The following CFDP1 variants were observed in gnomAD, a reference collection of about 807,000 sequenced individuals.
The protein encoded by CFDP1 is chromatin remodeling protein CFDP1, also known as heterochromatin-stabilizing protein CFDP1.
Under a neutral mutation model 40.1 loss-of-function variants are expected in CFDP1, and 31 were observed. That is an observed-to-expected ratio of 0.77 (90% CI 0.58 to 1.04). CFDP1 has a LOEUF of 1.04. Among genes scored for constraint, CFDP1 ranks in the 50% least tolerant of loss-of-function variants. CFDP1 has a pLI of 0.00. For missense variants in CFDP1, 423 were observed against 343.4 expected, an observed-to-expected ratio of 1.23 and a Z score of -1.83; for synonymous variants, 167 against 120.0, an observed-to-expected ratio of 1.39 and a Z score of -2.56.
chr16:75,311,284 CAT>C (rs2078291317), intron 5 of CFDP1, among the ~76,000 whole-genome samples: 1 of 152,178 alleles, frequency 6.6e-6, no homozygotes, highest in Non-Finnish European at 1.5e-5. Flanking sequence ...GGACTATAGA[CAT>C]ATGTCACCAA....
chr16:75,418,732 TAAAAAA>T (rs35716697), intron 1 of CFDP1, among the ~76,000 whole-genome samples: 1 of 130,624 alleles, frequency 7.7e-6, no homozygotes. Flanking sequence ...AAAGGCTCCC[TAAAAAA>T]AAAAAAAAAA....
intron 5 of CFDP1, among the ~76,000 whole-genome samples, chr16:75,363,192 T>A (rs563144176): frequency 6.7e-6 from 1 of 149,394 alleles, no homozygotes; most frequent in Admixed American, 6.7e-5. Flanking sequence ...TGTTTTTCTA[T>A]AGAAAAATGT....
chr16:75,426,670 T>A (rs1263709012), intron 1 of CFDP1, among the ~76,000 whole-genome samples: 1 of 152,066 alleles, frequency 6.6e-6, no homozygotes, highest in Non-Finnish European at 1.5e-5. Flanking sequence ...AGCAAGACTC[T>A]GTTTCAAAAA....
chr16:75,388,639 A>G (rs9989420), intron 5 of CFDP1, among the ~76,000 whole-genome samples: 4,763 of 152,310 alleles, frequency 0.031, 225 homozygotes, highest in African/African-American at 0.11. Flanking sequence ...TCAACTTTCT[A>G]GAGTTTTAAA....
chr16:75,300,185 A>G (rs1023713643), intron 6 of CFDP1, among the ~76,000 whole-genome samples: 1 of 152,198 alleles, frequency 6.6e-6, no homozygotes, highest in Non-Finnish European at 1.5e-5. Context: ...GGGTGGTGGT[A>G]GTGGGGCTGC....
intron 5 of CFDP1, among the ~76,000 whole-genome samples, chr16:75,314,246 A>G (rs2078311657): frequency 6.6e-6 from 1 of 152,180 alleles, no homozygotes; most frequent in Non-Finnish European, 1.5e-5. Context: ...ACTACCTTCA[A>G]TGGCAGTAAG....
intron 5 of CFDP1, among the ~76,000 whole-genome samples, chr16:75,317,280 C>T (rs555885544): frequency 1.3e-5 from 2 of 152,360 alleles, no homozygotes; most frequent in East Asian, 1.9e-4. Flanking sequence ...TTTCCCTTCC[C>T]CTTTGTCCAC....
chr16:75,419,573 T>C (rs1022713662), intron 1 of CFDP1, among the ~76,000 whole-genome samples: 1 of 152,188 alleles, frequency 6.6e-6, no homozygotes, highest in Admixed American at 6.5e-5. Flanking sequence ...GAATAGCGAC[T>C]GGGTAAAACA....
At chr16:75,341,520 A>G (rs930856169) in intron 5 of CFDP1, among the ~76,000 whole-genome samples, 6 of 152,212 alleles carry the variant, frequency 3.9e-5, no homozygotes, top group Non-Finnish European at 8.8e-5. Flanking sequence ...GATTGGCTAG[A>G]TTAGCAGAGA....
chr16:75,323,011 T>C (rs940306611), intron 5 of CFDP1, among the ~76,000 whole-genome samples: 3 of 152,140 alleles, frequency 2.0e-5, no homozygotes, highest in Admixed American at 2.0e-4. Flanking sequence ...TAGGCTACAA[T>C]ACATTTATTT....
chr16:75,412,006 TACAG>T (rs2079167377), intron 3 of CFDP1, 54 bp from the exon 4 acceptor site: 1 of 1,537,948 alleles, frequency 6.5e-7, no homozygotes, highest in South Asian at 1.2e-5. Context: ...CCATATTGTT[TACAG>T]ATACTTTTTA....
In CFDP1 at chr16:75,305,036, C is replaced by T. The variant is rs762736889; in HGVS notation, c.797G>A (p.Arg266Gln). The change falls in exon 6 of 7, where the codon CGA (arginine) becomes CAA (glutamine). Residue 266 changes from arginine (R) to glutamine (Q), a missense_variant. Coordinates refer to ENST00000283882, the MANE Select transcript of CFDP1 (RefSeq NM_006324.3). ...TACTCCTTCTTACCCCTCTTTCCCT[C>T]GATTATGGATGGCCAGTTCTTCACC... ...GIGEELAIHN[R>Q]GKEGYIERKA... 6 of 1,613,932 alleles carry T rather than the reference C, an allele frequency of 3.7e-6. No homozygotes were observed. Among genetic ancestry groups the T allele is most frequent in the East Asian group, 2.2e-5 (1 of 44,884 alleles).
chr16:75,429,049 G>A (rs2079377143), intron 1 of CFDP1, among the ~76,000 whole-genome samples: 1 of 151,804 alleles, frequency 6.6e-6, no homozygotes, highest in Admixed American at 6.6e-5. Flanking sequence ...CCCGGGAAGT[G>A]GAGGTTGCAG....
chr16:75,414,534 T>C (rs1407877459), intron 2 of CFDP1, 44 bp downstream of exon 2: 1 of 1,166,520 alleles, frequency 8.6e-7, no homozygotes, highest in South Asian at 1.2e-5. Context: ...AGGATGGTTG[T>C]GACAATAGCC....
chr16:75,419,745 G>C (rs2079255359), intron 1 of CFDP1, among the ~76,000 whole-genome samples: 1 of 152,120 alleles, frequency 6.6e-6, no homozygotes, highest in Non-Finnish European at 1.5e-5. Context: ...CGCCATGACA[G>C]CTTACAAATG....
At chr16:75,335,639 C>A in intron 5 of CFDP1, among the ~76,000 whole-genome samples, 1 of 150,774 alleles carries the variant, frequency 6.6e-6, no homozygotes, top group East Asian at 1.9e-4. Flanking sequence ...TCACTGCAAG[C>A]TCCGCCTCCC....
intron 5 of CFDP1, among the ~76,000 whole-genome samples, chr16:75,382,760 T>G (rs2078862643): frequency 6.6e-6 from 1 of 152,162 alleles, no homozygotes; most frequent in Non-Finnish European, 1.5e-5. Context: ...GTACATGATA[T>G]TCCTTGGATC....
At chr16:75,374,488 T>C (rs1161233406) in intron 5 of CFDP1, among the ~76,000 whole-genome samples, 2 of 151,856 alleles carry the variant, frequency 1.3e-5, no homozygotes, top group East Asian at 3.9e-4. Flanking sequence ...GATTACTAAA[T>C]GCTTAGGGAA....
intron 5 of CFDP1, among the ~76,000 whole-genome samples, chr16:75,366,110 C>T (rs966139822): frequency 8.5e-5 from 13 of 152,050 alleles, no homozygotes; most frequent in African/African-American, 2.7e-4. Context: ...ATTTAAAAAG[C>T]CAAAAAGTAA....
Sources: allele counts gnomAD v4.1 joint callset (sites outside exome capture counted in the v4.1 genomes callset), GRCh38; gene constraint gnomAD v4.1.1; transcripts MANE v1.5; gene names NCBI Gene and HGNC (gene_info 2026-07-23, HGNC 2026-07-21).